The following CA10 variants were observed in gnomAD, a reference collection of about 807,000 sequenced individuals.
CA10 encodes the protein carbonic anhydrase 10 (inactive).
CA10 carries 14 observed loss-of-function variants against 44.2 expected under a neutral mutation model. The ratio of observed to expected loss-of-function variants is 0.32; its 90% confidence interval spans 0.21 to 0.50. CA10 has a LOEUF of 0.50. Among genes scored for constraint, CA10 ranks in the 20% least tolerant of loss-of-function variants. The probability of loss-of-function intolerance (pLI) is 0.99; values close to 1 mark genes in which losing one functional copy is unlikely to be tolerated. For missense variants in CA10, 350 were observed against 409.7 expected (o/e 0.85, Z 1.26); for synonymous variants, 159 against 141.6 (o/e 1.12, Z -0.87).
At chr17:51,878,873 TATATATATA>T in intron 3 of CA10, among the ~76,000 whole-genome samples, 1 of 25,270 alleles carries the variant, frequency 4.0e-5, no homozygotes, top group Non-Finnish European at 6.6e-5. Flanking sequence ...TATATATATA[TATATATATA>T]TATATATATG....
chr17:52,106,084 T>G (rs375348186), intron 1 of CA10, among the ~76,000 whole-genome samples: 11 of 152,242 alleles, frequency 7.2e-5, no homozygotes, highest in African/African-American at 2.4e-4. Context: ...AAGATCTTTC[T>G]TGTGCTTATT....
chr17:51,930,875 G>T, intron 3 of CA10, 115 bp downstream of exon 3: 1 of 1,208,838 alleles, frequency 8.3e-7, no homozygotes, highest in Non-Finnish European at 1.2e-6. Flanking sequence ...GAAGTCTGTG[G>T]TATTCCTAGG....
At chr17:51,697,417 C>T (rs958269080) in intron 4 of CA10, among the ~76,000 whole-genome samples, 8 of 152,202 alleles carry the variant, frequency 5.3e-5, no homozygotes, top group Admixed American at 4.6e-4. Context: ...TTTGCTCAAA[C>T]ATTTTCTTCT....
intron 2 of CA10, among the ~76,000 whole-genome samples, chr17:51,998,474 C>T (rs1012996672): frequency 5.3e-5 from 8 of 151,990 alleles, no homozygotes; most frequent in African/African-American, 1.9e-4. Context: ...TCCCATAAAA[C>T]ACCAACCTTA....
At chr17:51,969,910 C>T (rs1345350447) in intron 2 of CA10, among the ~76,000 whole-genome samples, 7 of 151,966 alleles carry the variant, frequency 4.6e-5, no homozygotes, top group Admixed American at 1.3e-4. Context: ...ATGCTCTTTG[C>T]TTCTCTTCAC....
At chr17:51,855,883 G>A (rs1234869483) in intron 3 of CA10, among the ~76,000 whole-genome samples, 1 of 152,172 alleles carries the variant, frequency 6.6e-6, no homozygotes, top group African/African-American at 2.4e-5. Flanking sequence ...GGGGGACTTG[G>A]AGCCTGAAGA....
chr17:51,788,204 C>T (rs1388108756), intron 3 of CA10, among the ~76,000 whole-genome samples: 1 of 152,062 alleles, frequency 6.6e-6, no homozygotes, highest in Non-Finnish European at 1.5e-5. Context: ...CTTTATTGAT[C>T]CTCTGGTCAT....
intron 1 of CA10, among the ~76,000 whole-genome samples, chr17:52,076,131 A>C (rs952890675): frequency 2.0e-5 from 3 of 152,180 alleles, no homozygotes; most frequent in Non-Finnish European, 2.9e-5. Context: ...CCCTCTTTTT[A>C]TCTCTCTTCT....
chr17:52,003,483 T>C (rs772529817), intron 2 of CA10, among the ~76,000 whole-genome samples: 5 of 152,010 alleles, frequency 3.3e-5, no homozygotes, highest in African/African-American at 4.8e-5. Context: ...GGCTCCAGCA[T>C]GGTCCCTGAC....
chr17:51,728,862 A>C (rs553027564), intron 4 of CA10, among the ~76,000 whole-genome samples: 48 of 152,366 alleles, frequency 3.2e-4, no homozygotes, highest in African/African-American at 1.1e-3. Flanking sequence ...AACATGAAAA[A>C]TTATCAATGA....
intron 1 of CA10, among the ~76,000 whole-genome samples, chr17:52,114,365 C>T (rs1279071404): frequency 6.6e-6 from 1 of 152,170 alleles, no homozygotes; most frequent in Non-Finnish European, 1.5e-5. Context: ...AACTAAACTA[C>T]CTAGGTTCCA....
chr17:51,679,265 T>TC (rs1473232095), intron 4 of CA10, among the ~76,000 whole-genome samples: 2 of 65,488 alleles, frequency 3.1e-5, no homozygotes, highest in African/African-American at 8.4e-5. Context: ...TTTCTTTCTC[T>TC]TTTTTTTTTT....
intron 3 of CA10, among the ~76,000 whole-genome samples, chr17:51,785,688 T>C (rs1402954115): frequency 6.6e-6 from 1 of 152,212 alleles, no homozygotes; most frequent in East Asian, 1.9e-4. Context: ...GCCAGTACCA[T>C]GCTGTTTTGG....
chr17:51,712,834 T>G (rs903083195), intron 4 of CA10, among the ~76,000 whole-genome samples: 15 of 152,226 alleles, frequency 9.9e-5, no homozygotes, highest in African/African-American at 3.6e-4. Context: ...AGTGGTTTCT[T>G]CTTTTGGGGG....
chr17:52,073,550 AG>A (rs1476134294), intron 1 of CA10, among the ~76,000 whole-genome samples: 2 of 152,188 alleles, frequency 1.3e-5, no homozygotes, highest in African/African-American at 4.8e-5. Flanking sequence ...CAGTGGGCTT[AG>A]GGGACTTTAA....
At chr17:51,847,551 C>T (rs781112183) in intron 3 of CA10, among the ~76,000 whole-genome samples, 29 of 152,122 alleles carry the variant, frequency 1.9e-4, no homozygotes, top group Non-Finnish European at 2.2e-4. Flanking sequence ...CACTTCTTTG[C>T]ATGATAAAAT....
At chr17:52,051,868 G>A (rs886957721) in intron 2 of CA10, among the ~76,000 whole-genome samples, 4 of 152,092 alleles carry the variant, frequency 2.6e-5, no homozygotes, top group East Asian at 1.9e-4. Context: ...GCAAAGACAC[G>A]GAATCAACCT....
At chr17:51,816,486 C>G (rs1047460950) in intron 3 of CA10, among the ~76,000 whole-genome samples, 1 of 152,100 alleles carries the variant, frequency 6.6e-6, no homozygotes, top group Non-Finnish European at 1.5e-5. Context: ...TTTGGAGGAA[C>G]CTCCAAACTG....
chr17:52,103,643 T>C (rs1028839959), intron 1 of CA10, among the ~76,000 whole-genome samples: 3 of 152,184 alleles, frequency 2.0e-5, no homozygotes. Context: ...GCAGCTAGGA[T>C]GAACTAGGGT....
Sources: gnomAD v4.1 joint callset for allele counts (sites outside exome capture counted in the v4.1 genomes callset) on GRCh38, gnomAD v4.1.1 for gene constraint, MANE v1.5 for transcripts, NCBI Gene and HGNC (gene_info 2026-07-23, HGNC 2026-07-21) for gene names.